The following KIF13B variants were observed in gnomAD, a reference collection of about 807,000 sequenced individuals.
The protein encoded by KIF13B is kinesin-like protein KIF13B.
Under a neutral mutation model 222.0 loss-of-function variants are expected in KIF13B, and 127 were observed. The ratio of observed to expected loss-of-function variants is 0.57; its 90% confidence interval spans 0.50 to 0.66. KIF13B has a LOEUF of 0.66. Ranked by LOEUF, KIF13B falls within the 30% of genes least tolerant of loss-of-function variation. The pLI is 0.00. For missense variants in KIF13B, 2,173 were observed against 2,379.0 expected (o/e 0.91, Z 1.80); for synonymous variants, 976 against 919.0 (o/e 1.06, Z -1.12).
At chr8:29,189,906 T>A (rs1286384040) in intron 4 of KIF13B, 1 of 152,238 alleles carries the variant, frequency 6.6e-6, no homozygotes, top group African/African-American at 2.4e-5. Context: ...ACACAGTGAA[T>A]CTCCCATTTT....
chr8:29,121,920 G>A (rs192076922), intron 29 of KIF13B, among the ~76,000 whole-genome samples: 204 of 152,142 alleles, frequency 1.3e-3, no homozygotes, highest in Non-Finnish European at 2.1e-3. Context: ...CATAAGTATC[G>A]CTAGTTATTT....
intron 37 of KIF13B, among the ~76,000 whole-genome samples, chr8:29,079,468 C>T (rs1001656302): frequency 6.6e-6 from 1 of 152,202 alleles, no homozygotes; most frequent in Non-Finnish European, 1.5e-5. Context: ...CTCATTCATC[C>T]CTGTATTTCC....
chr8:29,212,268 G>A lies in KIF13B; in HGVS notation c.150-16069C>T, dbSNP rs574644241. ...AAGTATATTTAACTTTTTAGGAAAC[G>A]GTAAAAATGTTTTCCAAAGTGTATA... is the stretch of plus-strand genomic sequence containing the variant. On this transcript the variant is annotated intron_variant, in intron 2 of 39. Transcript: ENST00000524189. Among the ~76,000 whole-genome samples, 419 of 152,234 alleles carry A rather than the reference G, an allele frequency of 2.8e-3. 2 individuals are homozygous for A. Among genetic ancestry groups the A allele is most frequent in the Non-Finnish European group, 2.7e-3 (183 of 67,996 alleles).
At chr8:29,214,466 C>T (rs1436573873) in intron 2 of KIF13B, among the ~76,000 whole-genome samples, 2 of 152,158 alleles carry the variant, frequency 1.3e-5, no homozygotes, top group African/African-American at 4.8e-5. Flanking sequence ...CGTCTTCCAC[C>T]TCCACGTCTT....
At chr8:29,222,574 T>G (rs1814809267) in intron 2 of KIF13B, among the ~76,000 whole-genome samples, 1 of 136,880 alleles carries the variant, frequency 7.3e-6, no homozygotes, top group African/African-American at 2.7e-5. Context: ...AGGGTGTCAC[T>G]ATATTGCTCA....
chr8:29,156,293 T>C (rs760360466), intron 13 of KIF13B, among the ~76,000 whole-genome samples: 20 of 152,108 alleles, frequency 1.3e-4, no homozygotes, highest in Non-Finnish European at 2.8e-4. Context: ...TAAAAGCAAA[T>C]GAAGCCAGGC....
chr8:29,212,526 C>G (rs550760678), intron 2 of KIF13B, among the ~76,000 whole-genome samples: 10 of 152,258 alleles, frequency 6.6e-5, no homozygotes, highest in Admixed American at 6.5e-4. Flanking sequence ...TGGAGTTTCT[C>G]TCCACATTAG....
At chr8:29,176,836 A>G (rs1173124364) in intron 9 of KIF13B, among the ~76,000 whole-genome samples, 1 of 151,960 alleles carries the variant, frequency 6.6e-6, no homozygotes. Flanking sequence ...GCACCTCAAC[A>G]AAACCTAAAA....
At chr8:29,108,375 G>A (rs1042523609) in intron 34 of KIF13B, among the ~76,000 whole-genome samples, 183 bp from the exon 35 acceptor site, 4 of 152,220 alleles carry the variant, frequency 2.6e-5, no homozygotes, top group South Asian at 2.1e-4. Context: ...AATTGGTTAT[G>A]AACAATTTTC....
chr8:29,132,017 T>C (rs556648445), intron 23 of KIF13B, among the ~76,000 whole-genome samples: 1 of 152,196 alleles, frequency 6.6e-6, no homozygotes, highest in South Asian at 2.1e-4. Context: ...GAGGGTGAGG[T>C]GGGCAGATCA....
At chr8:29,113,402 T>G (rs371396674) in intron 32 of KIF13B, 61 bp downstream of exon 32, 5 of 1,009,566 alleles carry the variant, frequency 5.0e-6, no homozygotes, top group East Asian at 2.6e-5. Context: ...AGGTCACTTT[T>G]CAGGGAGTTG....
chr8:29,205,041 C>T (rs962172481), intron 2 of KIF13B, among the ~76,000 whole-genome samples: 3 of 152,066 alleles, frequency 2.0e-5, no homozygotes, highest in African/African-American at 7.2e-5. Flanking sequence ...TCTACAGGCC[C>T]GACTGGGCAC....
Position 29,140,560 on chromosome 8 carries a change from T to G in KIF13B, c.2392A>C (p.Ser798Arg). The change falls in exon 20 of 40, where the codon AGT becomes CGT. Residue 798 changes from serine (S) to arginine (R), a missense_variant. Coordinates refer to ENST00000524189, the MANE Select transcript of KIF13B (RefSeq NM_015254.4). ...DPFYDEQENH[S>R]LIGVANVFLE... ...AAGACATTGGCCACCCCAATGAGAC[T>G]GTGATTTTCCTGCTCATCATAGAAT... is the stretch of plus-strand genomic sequence containing the variant. 6.2e-7 allele frequency: 1 copy of G among 1,613,826 alleles called. No homozygotes were observed. The highest frequency in any genetic ancestry group is 8.5e-7 in the Non-Finnish European group (1 of 1,179,718).
intron 21 of KIF13B, among the ~76,000 whole-genome samples, chr8:29,136,956 C>A (rs756104948): frequency 6.6e-6 from 1 of 151,834 alleles, no homozygotes; most frequent in African/African-American, 2.4e-5. Flanking sequence ...CCCACCACCA[C>A]GCCCGGCTAA....
chr8:29,227,867 C>G (rs1232262976), intron 2 of KIF13B, among the ~76,000 whole-genome samples: 1 of 152,056 alleles, frequency 6.6e-6, no homozygotes, highest in Non-Finnish European at 1.5e-5. Context: ...GGGAGGATCA[C>G]TTGAACCCAG....
At chr8:29,073,115 ACGAGGAGGGGGACGAGGAGG>A (rs1445338611) in intron 38 of KIF13B, among the ~76,000 whole-genome samples, 20 of 76,764 alleles carry the variant, frequency 2.6e-4, no homozygotes, top group African/African-American at 1.2e-3. Flanking sequence ...GAGGAGGGGG[ACGAGGAGGGGGACGAGGAGG>A]GGGACGAGGA....
chr8:29,238,040 A>G (rs1355683156), intron 2 of KIF13B, among the ~76,000 whole-genome samples: 2 of 152,230 alleles, frequency 1.3e-5, no homozygotes, highest in Non-Finnish European at 2.9e-5. Flanking sequence ...AGCAGACTCT[A>G]TTTGAGGAGA....
intron 2 of KIF13B, among the ~76,000 whole-genome samples, chr8:29,239,741 C>T (rs540198625): frequency 6.6e-6 from 1 of 152,340 alleles, no homozygotes; most frequent in Non-Finnish European, 1.5e-5. Context: ...TGGCTAACTG[C>T]AACCTCCGCC....
chr8:29,100,385 C>T (rs1345429230), intron 35 of KIF13B, among the ~76,000 whole-genome samples: 24 of 152,136 alleles, frequency 1.6e-4, no homozygotes, highest in Admixed American at 1.6e-3. Context: ...TAATCACTGA[C>T]TTCTTTACCA....
Sources: allele counts gnomAD v4.1 joint callset (sites outside exome capture counted in the v4.1 genomes callset), GRCh38; gene constraint gnomAD v4.1.1; transcripts MANE v1.5; gene names NCBI Gene and HGNC (gene_info 2026-07-23, HGNC 2026-07-21).